AUTS2: variants seen among roughly 807,000 people sequenced by gnomAD.
AUTS2 encodes autism susceptibility gene 2 protein.
Under a neutral mutation model 112.4 loss-of-function variants are expected in AUTS2, and 17 were observed. That is an observed-to-expected ratio of 0.15 (90% CI 0.10 to 0.23). AUTS2 has a LOEUF of 0.23. Ranked by LOEUF, AUTS2 falls within the 10% of genes least tolerant of loss-of-function variation. The pLI is 1.00. For synonymous variants in AUTS2, 751 were observed against 702.7 expected (o/e 1.07, Z -1.09); for missense variants, 1,510 against 1,701.6 (o/e 0.89, Z 1.98).
At chr7:70,350,897 C>A (rs193171962) in intron 4 of AUTS2, among the ~76,000 whole-genome samples, 1 of 151,982 alleles carries the variant, frequency 6.6e-6, no homozygotes, top group African/African-American at 2.4e-5. Context: ...CCCTGGTAAC[C>A]GCCATTGTGT....
intron 4 of AUTS2, among the ~76,000 whole-genome samples, chr7:70,306,004 A>C (rs571775629): frequency 3.3e-4 from 50 of 152,304 alleles, no homozygotes; most frequent in African/African-American, 1.1e-3. Context: ...AAAAAAAAAA[A>C]CTTAAGCTGA....
intron 5 of AUTS2, among the ~76,000 whole-genome samples, chr7:70,606,426 A>G (rs1803767655): frequency 6.6e-6 from 1 of 152,224 alleles, no homozygotes; most frequent in African/African-American, 2.4e-5. Context: ...TCATTCATGC[A>G]TTTGGTCAAT....
intron 2 of AUTS2, among the ~76,000 whole-genome samples, chr7:70,035,943 G>T (rs1800982335): frequency 6.6e-6 from 1 of 152,200 alleles, no homozygotes; most frequent in Non-Finnish European, 1.5e-5. Context: ...CATGGTTCCT[G>T]CAGTAACAGA....
chr7:69,870,988 G>C (rs933343705), intron 1 of AUTS2, among the ~76,000 whole-genome samples: 1 of 152,132 alleles, frequency 6.6e-6, no homozygotes, highest in Non-Finnish European at 1.5e-5. Context: ...TTTATGTTAT[G>C]CCTCATAGGC....
At chr7:70,550,077 G>A (rs1312345532) in intron 5 of AUTS2, among the ~76,000 whole-genome samples, 1 of 152,182 alleles carries the variant, frequency 6.6e-6, no homozygotes, top group Non-Finnish European at 1.5e-5. Context: ...TAGTGAGGGG[G>A]CATATTGGAA....
chr7:69,914,356 GACACACACACACACACACACACAC>G (rs66527808), intron 2 of AUTS2, among the ~76,000 whole-genome samples: 1 of 136,004 alleles, frequency 7.4e-6, no homozygotes, highest in Non-Finnish European at 1.6e-5. Context: ...CACACACACA[GACACACACACACACACACACACAC>G]ACACACACAC....
At chr7:70,425,919 A>G (rs1795417631) in intron 4 of AUTS2, among the ~76,000 whole-genome samples, 1 of 152,182 alleles carries the variant, frequency 6.6e-6, no homozygotes, top group Non-Finnish European at 1.5e-5. Flanking sequence ...AGACATTTTT[A>G]TGTTTATTAC....
At chr7:69,826,675 A>C (rs1275008399) in intron 1 of AUTS2, among the ~76,000 whole-genome samples, 1 of 152,180 alleles carries the variant, frequency 6.6e-6, no homozygotes, top group Non-Finnish European at 1.5e-5. Context: ...TGCCTCTCCA[A>C]AATGCCTACT....
intron 4 of AUTS2, among the ~76,000 whole-genome samples, chr7:70,310,143 T>C (rs532193649): frequency 1.3e-3 from 201 of 152,024 alleles, no homozygotes; most frequent in Non-Finnish European, 2.0e-3. Flanking sequence ...CTTTTTTTTT[T>C]TTTTTGGCCC....
intron 5 of AUTS2, among the ~76,000 whole-genome samples, chr7:70,497,348 CAG>C: frequency 6.6e-6 from 1 of 152,230 alleles, no homozygotes; most frequent in Non-Finnish European, 1.5e-5. Context: ...CACAGTCGCA[CAG>C]ACACACAATC....
At chr7:69,830,070 A>G (rs1164615300) in intron 1 of AUTS2, among the ~76,000 whole-genome samples, 1 of 152,162 alleles carries the variant, frequency 6.6e-6, no homozygotes, top group East Asian at 1.9e-4. Context: ...AAGGAATGAG[A>G]TTATGTCCTT....
intron 1 of AUTS2, among the ~76,000 whole-genome samples, chr7:69,670,990 T>C (rs1796296417): frequency 6.6e-6 from 1 of 152,214 alleles, no homozygotes; most frequent in South Asian, 2.1e-4. Context: ...TCATTCACAA[T>C]CAGGCCAAAG....
chr7:70,020,311 C>T, intron 2 of AUTS2, among the ~76,000 whole-genome samples: 1 of 152,142 alleles, frequency 6.6e-6, no homozygotes, highest in Non-Finnish European at 1.5e-5. Context: ...TCACCTGCAT[C>T]CCCACATAGA....
At chr7:70,588,681 T>TA (rs749719430) in intron 5 of AUTS2, among the ~76,000 whole-genome samples, 1 of 152,210 alleles carries the variant, frequency 6.6e-6, no homozygotes, top group East Asian at 1.9e-4. Flanking sequence ...ATTTTTTTTT[T>TA]ATGGGACTTG....
intron 4 of AUTS2, among the ~76,000 whole-genome samples, chr7:70,315,310 C>G (rs931359260): frequency 6.6e-6 from 1 of 152,192 alleles, no homozygotes; most frequent in Non-Finnish European, 1.5e-5. Context: ...TACTTAACAG[C>G]ATGGATATGA....
chr7:70,326,759 T>C (rs1790504496), intron 4 of AUTS2, among the ~76,000 whole-genome samples: 1 of 152,164 alleles, frequency 6.6e-6, no homozygotes, highest in African/African-American at 2.4e-5. Flanking sequence ...GGTAAACAAG[T>C]GTGCCTATGA....
intron 4 of AUTS2, among the ~76,000 whole-genome samples, chr7:70,345,614 T>C (rs978171814): frequency 2.6e-5 from 4 of 152,282 alleles, no homozygotes; most frequent in African/African-American, 7.2e-5. Context: ...CTATGAAAAG[T>C]AGACTATGTT....
At chr7:70,576,036 T>C (rs1802149560) in intron 5 of AUTS2, among the ~76,000 whole-genome samples, 1 of 152,202 alleles carries the variant, frequency 6.6e-6, no homozygotes, top group African/African-American at 2.4e-5. Flanking sequence ...TGAGGACTTC[T>C]GTTAGTTGGG....
At chr7:69,878,352 G>A (rs898606824) in intron 1 of AUTS2, among the ~76,000 whole-genome samples, 1 of 152,152 alleles carries the variant, frequency 6.6e-6, no homozygotes, top group Admixed American at 6.5e-5. Context: ...TTTTATGACT[G>A]CAACATTTTT....
Sources: allele counts gnomAD v4.1 joint callset (sites outside exome capture counted in the v4.1 genomes callset), GRCh38; gene constraint gnomAD v4.1.1; transcripts MANE v1.5; gene names NCBI Gene and HGNC (gene_info 2026-07-23, HGNC 2026-07-21).